Variants in PER3 observed in about 807,000 individuals in gnomAD.
PER3 encodes the protein period circadian regulator 3, also known as period circadian protein homolog 3.
A neutral mutation model predicts 127.2 loss-of-function variants in PER3; 107 were observed. The ratio of observed to expected loss-of-function variants is 0.84; its 90% CI spans 0.72 to 0.99. The LOEUF (loss-of-function observed/expected upper bound fraction) is 0.99, where lower values mean the gene tolerates loss of function less well. Among genes scored for constraint, PER3 ranks in the 50% least tolerant of loss-of-function variants. PER3 has a pLI of 0.00. For missense variants in PER3, 1,560 were observed against 1,525.8 expected (o/e 1.02, Z -0.37); for synonymous variants, 618 against 585.8 (o/e 1.05, Z -0.79).
At chr1:7,832,196 A>G (rs956509464) in intron 19 of PER3, among the ~76,000 whole-genome samples, 1 of 151,742 alleles carries the variant, frequency 6.6e-6, no homozygotes, top group African/African-American at 2.4e-5. Flanking sequence ...TTTCCTTTTA[A>G]TGTCTGTAGG....
At chr1:7,786,918 T>C (rs2097094187) in intron 4 of PER3, 82 bp downstream of exon 4, 1 of 796,706 alleles carries the variant, frequency 1.3e-6, no homozygotes, top group Non-Finnish European at 2.2e-6. Flanking sequence ...TTAAGAAGGA[T>C]AACAACGTTT....
At chr1:7,794,057 G>A in intron 6 of PER3, 49 bp downstream of exon 6, 2 of 1,475,078 alleles carry the variant, frequency 1.4e-6, no homozygotes, top group South Asian at 2.3e-5. Context: ...TATGTTCTGA[G>A]TTTATTTTGC....
At chr1:7,842,003 G>A (rs1353576623) in intron 21 of PER3, among the ~76,000 whole-genome samples, 2 of 152,102 alleles carry the variant, frequency 1.3e-5, no homozygotes, top group Non-Finnish European at 2.9e-5. Flanking sequence ...TTGATCCTAG[G>A]CTACAAACCT....
chr1:7,839,789 T>C (rs2097375653), intron 21 of PER3, among the ~76,000 whole-genome samples: 2 of 152,244 alleles, frequency 1.3e-5, no homozygotes, highest in Admixed American at 6.5e-5. Context: ...GAGTTGCTTC[T>C]CCCTTGCTGC....
Position 7,785,524 on chromosome 1 carries a change from G to A in PER3, c.212G>A (p.Arg71His). 1 of 1,611,722 alleles carries A rather than the reference G, an allele frequency of 6.2e-7. No individual in the cohort carries two copies. The highest frequency in any genetic ancestry group is 8.5e-7 in the Non-Finnish European group (1 of 1,177,900). Residue 71 changes from arginine to histidine, a missense_variant, in exon 3 of 22, where the codon CGC (arginine) becomes CAC (histidine). Around this residue, in one of 3 missense-constraint regions of PER3, gnomAD observed 1,332 missense variants for 1,223.6 expected, o/e 1.09. Transcript: ENST00000377532. ...AAAAAATACTTCCCCTCGGAGAGAC[G>A]CAATAAACCAAGCACTCTAGATGCC... ...EMKKYFPSER[R>H]NKPSTLDALN...
At chr1:7,806,747 T>A (rs1283559000) in intron 10 of PER3, among the ~76,000 whole-genome samples, 2 of 144,894 alleles carry the variant, frequency 1.4e-5, no homozygotes, top group Non-Finnish European at 3.0e-5. Flanking sequence ...TGAGCCAGAA[T>A]TGCACCACTG....
In PER3 at chr1:7,827,386, A is replaced by T; in HGVS notation, c.2457A>T (p.Gly819=). Reference sequence around the variant, plus strand: ...CCCTCCCAGCCGCGACCTCACCCGGAAGAGAATACGCAGCCCCCGGAACTG... The same window carrying T: ...CCCTCCCAGCCGCGACCTCACCCGGTAGAGAATACGCAGCCCCCGGAACTG... ...AFPLPAATSP[G]REYAAPGTAP... Residue 819 remains glycine, a synonymous_variant, in exon 18 of 22, where the codon GGA becomes GGT. Coordinates refer to ENST00000377532, the MANE Select transcript of PER3 (RefSeq NM_001377275.1). The T allele has an allele frequency of 6.2e-7, 1 of 1,614,108 alleles. No homozygotes were observed. Among genetic ancestry groups the T allele is most frequent in the Non-Finnish European group, 8.5e-7 (1 of 1,180,022 alleles).
chr1:7,810,632 C>CA, intron 13 of PER3, 44 bp downstream of exon 13: 1 of 1,568,790 alleles, frequency 6.4e-7, no homozygotes, highest in Non-Finnish European at 8.7e-7. Context: ...CATGGGCTGT[C>CA]ACTCTCTGCA....
At chr1:7,796,693 G>A (rs942275245) in intron 6 of PER3, among the ~76,000 whole-genome samples, 7 of 152,140 alleles carry the variant, frequency 4.6e-5, no homozygotes, top group Admixed American at 1.3e-4. Flanking sequence ...AGGGAGGCAG[G>A]GAGGGCAGTT....
intron 5 of PER3, chr1:7,788,600 G>T: frequency 4.8e-6 from 1 of 206,664 alleles, no homozygotes. Flanking sequence ...ATTTTACTTT[G>T]GAGATAAAAT....
At chr1:7,813,049 C>G (rs928545434) in intron 13 of PER3, among the ~76,000 whole-genome samples, 29 of 152,224 alleles carry the variant, frequency 1.9e-4, no homozygotes, top group African/African-American at 5.5e-4. Context: ...ATTTATCTTT[C>G]TTACAACCTA....
In PER3 at chr1:7,816,103, G is replaced by A. The variant is rs181204849; in HGVS notation, c.1523-3182G>A. ...TAAAGGGAAATTTACAGCACTGAGT[G>A]TTTATATGGAAAAAAGAAGAATGGT... is the stretch of plus-strand genomic sequence containing the variant. On this transcript the variant is annotated intron_variant, in intron 13 of 21. Transcript: ENST00000377532. Among the ~76,000 whole-genome samples, 9 of 151,582 alleles carry A rather than the reference G, an allele frequency of 5.9e-5. No homozygotes were observed. The East Asian group carries it at 1.5e-3, about 26-fold the overall frequency.
intron 19 of PER3, among the ~76,000 whole-genome samples, chr1:7,832,553 T>C (rs1385455981): frequency 6.6e-6 from 1 of 151,906 alleles, no homozygotes; most frequent in African/African-American, 2.4e-5. Flanking sequence ...TTTTGTATTT[T>C]TAGTAGAGAC....
intron 21 of PER3, among the ~76,000 whole-genome samples, chr1:7,838,562 C>T (rs1268572270): frequency 3.3e-5 from 5 of 152,150 alleles, no homozygotes; most frequent in Non-Finnish European, 7.3e-5. Context: ...GCGCACACCA[C>T]CATGCCCAGC....
chr1:7,795,523 T>C (rs2097141450), intron 6 of PER3, among the ~76,000 whole-genome samples: 1 of 152,140 alleles, frequency 6.6e-6, no homozygotes, highest in Non-Finnish European at 1.5e-5. Flanking sequence ...CACCGGTATC[T>C]GAGGGGTGGC....
At chr1:7,822,976 T>C (rs78586605) in intron 16 of PER3, among the ~76,000 whole-genome samples, 7,393 of 152,202 alleles carry the variant, frequency 0.049, 626 homozygotes, top group East Asian at 0.27. Flanking sequence ...GGAGGATCAA[T>C]TGAGCCTAGC....
chr1:7,787,981 C>A, intron 4 of PER3, 64 bp from the exon 5 acceptor site: 1 of 1,202,878 alleles, frequency 8.3e-7, no homozygotes, highest in African/African-American at 1.5e-5. Context: ...AAGAAATTTA[C>A]CTTTCAGGGA....
intron 16 of PER3, among the ~76,000 whole-genome samples, 176 bp downstream of exon 16, chr1:7,820,816 C>T (rs1481559524): frequency 1.3e-5 from 2 of 152,144 alleles, no homozygotes; most frequent in African/African-American, 4.8e-5. Context: ...ATGTTGGTTA[C>T]ATATTTTGGA....
chr1:7,824,339 A>C (rs2097291564), intron 16 of PER3, among the ~76,000 whole-genome samples: 2 of 152,220 alleles, frequency 1.3e-5, no homozygotes, highest in Non-Finnish European at 2.9e-5. Context: ...GTTTTTTGAA[A>C]AGATGAACAA....
Sources: allele counts gnomAD v4.1 joint callset (sites outside exome capture counted in the v4.1 genomes callset), GRCh38; gene constraint gnomAD v4.1.1; regional missense constraint gnomAD v4.1.1; transcripts MANE v1.5; gene names NCBI Gene and HGNC (gene_info 2026-07-23, HGNC 2026-07-21).